The following POT1 variants were observed in gnomAD, a reference collection of about 807,000 sequenced individuals.
POT1 encodes the protein protection of telomeres protein 1.
In POT1, 47 loss-of-function variants were observed where a neutral mutation model predicts 78.5. The observed-to-expected ratio is 0.60, with a 90% CI of 0.47 to 0.76. The LOEUF (loss-of-function observed/expected upper bound fraction) is 0.76. POT1 is among the 30% of genes least tolerant of loss of function. POT1 has a pLI of 0.00. For missense variants in POT1, 646 were observed against 749.9 expected (o/e 0.86, Z 1.62); for synonymous variants, 259 against 260.7 (o/e 0.99, Z 0.06).
At chr7:124,919,645 C>T (rs934416819) in intron 2 of POT1, among the ~76,000 whole-genome samples, 3 of 152,102 alleles carry the variant, frequency 2.0e-5, no homozygotes, top group Admixed American at 6.5e-5. Context: ...GGTGAAGACA[C>T]AGCGAGAAGG....
rs760102890 is a variant in POT1 at position 124,863,650 on chromosome 7, T to C, written c.256-10A>G. 51 of 1,589,018 alleles carry C rather than the reference T, an allele frequency of 3.2e-5. No homozygotes were observed. The South Asian group carries it at 5.6e-4, about 17-fold the overall frequency. On this transcript the variant is annotated splice_polypyrimidine_tract_variant and intron_variant, in intron 7 of 18. Coordinates refer to ENST00000357628, the MANE Select transcript of POT1 (RefSeq NM_015450.3). ...TTTTATATACTTGAATCTAAGAAAG[T>C]AGGGCAAAGTAGAAAACAGATACAA...
At chr7:124,886,372 T>C (rs1268912786) in intron 6 of POT1, among the ~76,000 whole-genome samples, 1 of 152,156 alleles carries the variant, frequency 6.6e-6, no homozygotes, top group African/African-American at 2.4e-5. Context: ...GGCACAGCTG[T>C]GGACTGTTCC....
chr7:124,858,053 T>C (rs983849346), intron 9 of POT1, among the ~76,000 whole-genome samples: 10 of 152,088 alleles, frequency 6.6e-5, no homozygotes, highest in African/African-American at 1.9e-4. Flanking sequence ...TCTGAGTGAG[T>C]GGAGCTCTCC....
chr7:124,867,061 AT>A (rs1396357306), intron 7 of POT1, among the ~76,000 whole-genome samples: 6 of 152,164 alleles, frequency 3.9e-5, no homozygotes, highest in Non-Finnish European at 5.9e-5. Context: ...GCCTCTGCTG[AT>A]TAACATAGTA....
chr7:124,877,137 G>T (rs1796007843), intron 6 of POT1, among the ~76,000 whole-genome samples: 1 of 152,152 alleles, frequency 6.6e-6, no homozygotes, highest in South Asian at 2.1e-4. Context: ...CTTCTGTAGA[G>T]AATAAAACAA....
rs200771891 is a variant in POT1 at position 124,864,378 on chromosome 7, A to G, written c.256-738T>C. 3.3e-5 allele frequency among the ~76,000 whole-genome samples: 5 copies of G among 152,090 alleles called. No individual in the cohort carries two copies. The East Asian group carries it at 5.8e-4, about 18-fold the overall frequency. On this transcript the variant is annotated intron_variant, in intron 7 of 18. Coordinates refer to ENST00000357628, the MANE Select transcript of POT1 (RefSeq NM_015450.3). Reference sequence around the variant, plus strand: ...GTTCCTGATTATTTTTGTTCAGTCAATCTTTTCCTTGCAATTGGAAATTAG... The same window carrying G: ...GTTCCTGATTATTTTTGTTCAGTCAGTCTTTTCCTTGCAATTGGAAATTAG...
rs2116526452 is a variant in POT1, at chr7:124,859,084, G to A, written c.575C>T (p.Pro192Leu). The A allele has an allele frequency of 6.2e-7, 1 of 1,603,052 alleles. No homozygotes were observed. The highest frequency in any genetic ancestry group is 8.5e-7 in the Non-Finnish European group (1 of 1,173,652). ...KVWDGTRTPF[P>L]SWRVLIQDLV... The stretch of plus-strand genomic sequence containing the variant: ...GTCTTGTATTAAGACTCTCCAAGAT[G>A]GAAATGGTGTCCTGGTGCCATCCCA... The change falls in exon 9 of 19, where the codon CCA (proline) becomes CTA (leucine). Residue 192 changes from proline to leucine, a missense_variant. Around this residue, in one of 2 missense-constraint regions of POT1, gnomAD observed 252 missense variants for 341.4 expected, o/e 0.74. Transcript: ENST00000357628.
chr7:124,862,788 C>A (rs539751554), intron 8 of POT1, among the ~76,000 whole-genome samples: 1 of 152,166 alleles, frequency 6.6e-6, no homozygotes, highest in East Asian at 1.9e-4. Flanking sequence ...AAACATCCAG[C>A]TTCTCCAGAA....
At chr7:124,836,869 C>T (rs1026126697) in intron 14 of POT1, among the ~76,000 whole-genome samples, 10 of 152,180 alleles carry the variant, frequency 6.6e-5, no homozygotes, top group Admixed American at 5.9e-4. Flanking sequence ...AAAGGAAGAA[C>T]TTTGTTGTGT....
intron 16 of POT1, 190 bp downstream of exon 16, chr7:124,829,064 T>C (rs78934320): frequency 1.3e-6 from 1 of 760,854 alleles, no homozygotes; most frequent in Non-Finnish European, 2.4e-6. Context: ...CGGTGCCTGC[T>C]TGAAGAAATA....
chr7:124,858,239 T>A (rs1203035079), intron 9 of POT1, among the ~76,000 whole-genome samples: 1 of 152,232 alleles, frequency 6.6e-6, no homozygotes, highest in African/African-American at 2.4e-5. Flanking sequence ...CCATCACCTG[T>A]CTTATAGGAG....
intron 3 of POT1, among the ~76,000 whole-genome samples, chr7:124,913,818 A>G (rs1242597454): frequency 6.6e-6 from 1 of 152,052 alleles, no homozygotes; most frequent in African/African-American, 2.4e-5. Flanking sequence ...TGTTTTTGCA[A>G]TTGACTGAAC....
At position 124,859,127 on chromosome 7, in the gene POT1, T is replaced by G. The variant is rs769778931; in HGVS notation, c.547-15A>C. On this transcript the variant is annotated splice_polypyrimidine_tract_variant and intron_variant, in intron 8 of 18. Transcript: ENST00000357628. ...CCATCCCATACCTGCCATAAGAGAG[T>G]AGAGTAGTTTTATGATCCTTTTGAA... is the stretch of plus-strand genomic sequence containing the variant. 8 of 1,499,812 alleles carry G rather than the reference T, an allele frequency of 5.3e-6. No homozygotes were observed. Among genetic ancestry groups the G allele is most frequent in the Non-Finnish European group, 7.1e-6 (8 of 1,119,390 alleles). The allele number at this position is 1,499,812 out of a possible 1,614,324, so 92.9% of individuals were successfully genotyped here. A position where few individuals can be genotyped will look rare whatever the true frequency, so the allele number is the denominator to read the frequency against.
chr7:124,919,787 T>C (rs1002241209), intron 2 of POT1, among the ~76,000 whole-genome samples: 1 of 152,160 alleles, frequency 6.6e-6, no homozygotes, highest in Non-Finnish European at 1.5e-5. Context: ...TACTTTGTTA[T>C]GGCTGACCTG....
intron 11 of POT1, among the ~76,000 whole-genome samples, chr7:124,848,261 C>G (rs1266129638): frequency 6.6e-6 from 1 of 152,028 alleles, no homozygotes; most frequent in Non-Finnish European, 1.5e-5. Context: ...ATAAAAAACT[C>G]TAAATAACTA....
At chr7:124,925,364 A>G (rs1164375820) in intron 2 of POT1, among the ~76,000 whole-genome samples, 1 of 152,102 alleles carries the variant, frequency 6.6e-6, no homozygotes, top group Non-Finnish European at 1.5e-5. Flanking sequence ...TACAACAGCT[A>G]CAAAAATAAA....
At chr7:124,907,621 T>C (rs1796797090) in intron 3 of POT1, among the ~76,000 whole-genome samples, 1 of 152,098 alleles carries the variant, frequency 6.6e-6, no homozygotes. Context: ...ACTCATAGAA[T>C]GTACAACACT....
At chr7:124,893,859 C>T (rs1331452671) in intron 5 of POT1, among the ~76,000 whole-genome samples, 1 of 151,500 alleles carries the variant, frequency 6.6e-6, no homozygotes, top group Non-Finnish European at 1.5e-5. Flanking sequence ...GAGCTCAGCT[C>T]GTGTCTCCTT....
intron 6 of POT1, among the ~76,000 whole-genome samples, chr7:124,872,719 C>T (rs1400479641): frequency 6.6e-6 from 1 of 152,098 alleles, no homozygotes; most frequent in Non-Finnish European, 1.5e-5. Flanking sequence ...CCCCTTTGGA[C>T]AAAGGAAAAG....
Sources: allele counts gnomAD v4.1 joint callset (sites outside exome capture counted in the v4.1 genomes callset), GRCh38; gene constraint gnomAD v4.1.1; regional missense constraint gnomAD v4.1.1; transcripts MANE v1.5; gene names NCBI Gene and HGNC (gene_info 2026-07-23, HGNC 2026-07-21).